The following L3MBTL1 variants were observed in gnomAD, a reference collection of about 807,000 sequenced individuals.
L3MBTL1 encodes the protein lethal(3)malignant brain tumor-like protein 1.
L3MBTL1 carries 75 observed loss-of-function variants against 105.3 expected under a neutral mutation model. The ratio of observed to expected loss-of-function variants is 0.71; its 90% confidence interval spans 0.59 to 0.86. The LOEUF (loss-of-function observed/expected upper bound fraction) is 0.86, where lower values mean the gene tolerates loss of function less well. Among genes scored for constraint, L3MBTL1 ranks in the 40% least tolerant of loss-of-function variants. L3MBTL1 has a pLI of 0.00. For synonymous variants in L3MBTL1, 452 were observed against 436.2 expected, an observed-to-expected ratio of 1.04 and a Z score of -0.45; for missense variants, 1,069 against 1,126.4, an observed-to-expected ratio of 0.95 and a Z score of 0.73.
Position 43,536,204 on chromosome 20 carries a change from T to C in L3MBTL1, c.2033T>C (p.Leu678Pro), listed in dbSNP as rs776675186. The C allele has an allele frequency of 1.9e-6, 3 of 1,612,996 alleles. No individual in the cohort carries two copies. In the Admixed American group the frequency reaches 5.0e-5, roughly 27 times the overall value. The change falls in exon 18 of 22, where the codon CTG (leucine) becomes CCG (proline). Residue 678 changes from leucine (L) to proline (P), a missense_variant. Physicochemically the swap from Leu to Pro is moderately conservative, Grantham distance 98. Coordinates refer to ENST00000418998, the MANE Select transcript of L3MBTL1 (RefSeq NM_001377303.1). ...CPLAERNQSR[L>P]KAELSDSEAS... ...CTGGCTGAGAGGAACCAGAGCCGGC[T>C]GAAAGCGGAGCTGTCTGACTCGGAG...
intron 7 of L3MBTL1, among the ~76,000 whole-genome samples, chr20:43,518,552 G>A (rs1017342260): frequency 6.6e-5 from 10 of 152,008 alleles, no homozygotes; most frequent in Non-Finnish European, 1.0e-4. Flanking sequence ...TTACTTAGTC[G>A]TTAATAGATA....
At chr20:43,525,632 A>G (rs6030939) in intron 7 of L3MBTL1, among the ~76,000 whole-genome samples, 30,030 of 152,158 alleles carry the variant, frequency 0.2, 3,290 homozygotes, top group African/African-American at 0.27. Context: ...AACAATAGAA[A>G]AAGGAGGCAG....
At chr20:43,518,146 C>T (rs6073118) in intron 7 of L3MBTL1, among the ~76,000 whole-genome samples, 31,366 of 150,564 alleles carry the variant, frequency 0.21, 3,830 homozygotes, top group East Asian at 0.4. Flanking sequence ...ACATTTTCCC[C>T]CAACGCCTTT....
intron 7 of L3MBTL1, among the ~76,000 whole-genome samples, chr20:43,516,502 A>G (rs1434584492): frequency 1.3e-5 from 2 of 152,154 alleles, no homozygotes; most frequent in Non-Finnish European, 2.9e-5. Flanking sequence ...GCTTCTCTTT[A>G]GTGGTGGGGC....
chr20:43,512,408 G>A (rs1291533715), intron 1 of L3MBTL1, among the ~76,000 whole-genome samples: 1 of 152,180 alleles, frequency 6.6e-6, no homozygotes, highest in Admixed American at 6.5e-5. Context: ...ACAGGGTCTC[G>A]CTATGTTGCC....
intron 3 of L3MBTL1, 42 bp downstream of exon 3, chr20:43,514,103 C>T: frequency 6.7e-7 from 1 of 1,486,636 alleles, no homozygotes; most frequent in Non-Finnish European, 9.0e-7. Context: ...TAAACCGCAG[C>T]CATGGGGCGG....
chr20:43,525,081 T>A (rs1157544125), intron 7 of L3MBTL1, among the ~76,000 whole-genome samples: 2 of 151,040 alleles, frequency 1.3e-5, no homozygotes, highest in Non-Finnish European at 2.9e-5. Context: ...AACTAGGAGT[T>A]GGAATCAGTA....
chr20:43,541,860 T>C lies in L3MBTL1; in HGVS notation c.*732T>C, dbSNP rs1234889550. 1 of 985,338 alleles carries C rather than the reference T, an allele frequency of 1.0e-6. No homozygotes were observed. The highest frequency in any genetic ancestry group is 1.2e-6 in the Non-Finnish European group (1 of 829,914). 61.0% of individuals were successfully genotyped at this position (985,338 alleles called of 1,614,324 possible). A position where few individuals can be genotyped will look rare whatever the true frequency, so the allele number is the denominator to read the frequency against. ...CTTTACCTATACAAAATGACTGCTA[T>C]GGTGGGAACACAATAAACACCAGTT... is the stretch of plus-strand genomic sequence containing the variant. On this transcript the variant is annotated 3_prime_UTR_variant, in exon 22 of 22. Coordinates refer to ENST00000418998, the MANE Select transcript of L3MBTL1 (RefSeq NM_001377303.1).
chr20:43,515,669 AGCACCCAAAG>A (rs2018352928), intron 6 of L3MBTL1: 1 of 505,968 alleles, frequency 2.0e-6, no homozygotes, highest in South Asian at 2.5e-5. Flanking sequence ...CAGGTGAACT[AGCACCCAAAG>A]TACATGTGCA....
In L3MBTL1 at chr20:43,534,291, C is replaced by G. The variant is rs1032952929; in HGVS notation, c.1607C>G (p.Pro536Arg). Residue 536 changes from proline (P) to arginine (R), a missense_variant, in exon 15 of 22, where the codon CCT becomes CGT. Pro to Arg is a moderately radical substitution (Grantham distance 103). Coordinates refer to ENST00000418998, the MANE Select transcript of L3MBTL1 (RefSeq NM_001377303.1). ...VPTWAFKVRP[P>R]HSFLVNMKLE... The stretch of plus-strand genomic sequence containing the variant: ...CAGCTGTCCCCTCTGCAGCGACCCC[C>G]TCACAGCTTCCTGGTCAATATGAAG... 6.2e-7 allele frequency: 1 copy of G among 1,613,770 alleles called. No homozygotes were observed. Among genetic ancestry groups the G allele is most frequent in the African/African-American group, 1.3e-5 (1 of 74,958 alleles).
At position 43,536,459 on chromosome 20, in the gene L3MBTL1, G is replaced by A. The variant is rs2019632980; in HGVS notation, c.2173+1G>A. On this transcript the variant is annotated splice_donor_variant, in intron 19 of 21. Transcript: ENST00000418998. LOFTEE classifies it high-confidence loss of function. ...AAGATTCCGCAGGAAGATTTCCAGA[G>A]TAAGTCTGGGTTATCTGCTCCTATG... 3 of 1,613,902 alleles carry A rather than the reference G, an allele frequency of 1.9e-6. No homozygotes were observed. The highest frequency in any genetic ancestry group is 1.3e-5 in the African/African-American group (1 of 75,076).
rs184101222 is a variant in L3MBTL1, at chr20:43,548,030, A to T, written c.2125-81A>T. ...TACTCCCCTCCCCCATTCCCCATGC[A>T]CACCCCTCCCTTTCCTTCACCCCTG... On this transcript the variant is annotated intron_variant, in intron 18 of 18. Transcript: ENST00000422861. 98 of 686,686 alleles carry T rather than the reference A, an allele frequency of 1.4e-4. No individual in the cohort carries two copies. The East Asian group carries it at 0.011, about 77-fold the overall frequency. 42.5% of individuals were successfully genotyped at this position (686,686 alleles called of 1,614,324 possible).
chr20:43,525,114 T>TA (rs11086880), intron 7 of L3MBTL1, among the ~76,000 whole-genome samples: 5,508 of 139,244 alleles, frequency 0.04, 108 homozygotes, highest in Middle Eastern at 0.074. Flanking sequence ...CCTGGGGAGT[T>TA]AAAAAAAAAA....
At chr20:43,533,488 C>A in intron 13 of L3MBTL1, 70 bp downstream of exon 13, 2 of 1,291,792 alleles carry the variant, frequency 1.5e-6, no homozygotes, top group Non-Finnish European at 2.2e-6. Context: ...TGACCCCTCA[C>A]CAGTAGTGCC....
At chr20:43,526,861 C>T in intron 7 of L3MBTL1, among the ~76,000 whole-genome samples, 1 of 152,138 alleles carries the variant, frequency 6.6e-6, no homozygotes, top group Non-Finnish European at 1.5e-5. Flanking sequence ...GTAGGAGAAT[C>T]GCTTGAACCT....
chr20:43,548,056 C>T, intron 18 of L3MBTL1: 8 of 1,281,244 alleles, frequency 6.2e-6, no homozygotes, highest in Non-Finnish European at 8.2e-6. Context: ...TTCACCCCTG[C>T]CCCGTGACCC....
rs1175638151 is a variant in L3MBTL1 at position 43,535,837 on chromosome 20, G to A, written c.1826G>A (p.Gly609Glu). The A allele has an allele frequency of 6.3e-7, 1 of 1,584,824 alleles. No homozygotes were observed. The highest frequency in any genetic ancestry group is 1.9e-5 in the Admixed American group (1 of 53,064). Residue 609 changes from glycine to glutamate, a missense_variant and splice_region_variant, in exon 17 of 22, where the codon GGA (glycine) becomes GAA (glutamate). Transcript: ENST00000418998. ...GACCGCCTCCTTTCTGCTCTTTTAG[G>A]ACCCAGAGAGCCCAGCTCTGCCTCC... is the stretch of plus-strand genomic sequence containing the variant. ...KTGHPLQPPL[G>E]PREPSSASPG...
At chr20:43,520,814 G>A (rs2018666676) in intron 7 of L3MBTL1, among the ~76,000 whole-genome samples, 1 of 152,226 alleles carries the variant, frequency 6.6e-6, no homozygotes, top group South Asian at 2.1e-4. Context: ...ATATGAGTGT[G>A]TAATTCAGTA....
chr20:43,513,680 C>G (rs1464820022), intron 2 of L3MBTL1, 41 bp downstream of exon 2: 1 of 1,550,158 alleles, frequency 6.5e-7, no homozygotes, highest in African/African-American at 1.4e-5. Context: ...GGAAGAGCAT[C>G]TCTGTACCTG....
Sources: gnomAD v4.1 joint callset for allele counts (sites outside exome capture counted in the v4.1 genomes callset) on GRCh38, gnomAD v4.1.1 for gene constraint, MANE v1.5 for transcripts, NCBI Gene and HGNC (gene_info 2026-07-23, HGNC 2026-07-21) for gene names.